The following OPRD1 variants were observed in gnomAD, a reference collection of about 807,000 sequenced individuals.
OPRD1 encodes the protein delta-type opioid receptor.
OPRD1 carries 19 observed loss-of-function variants against 17.5 expected under a neutral mutation model. The observed-to-expected ratio is 1.09, with a 90% confidence interval of 0.76 to 1.60. The LOEUF (loss-of-function observed/expected upper bound fraction) is 1.60. OPRD1 is among the 40% of genes most tolerant of loss of function. The probability of loss-of-function intolerance (pLI) is 0.00; values close to 1 mark genes in which losing one functional copy is unlikely to be tolerated. For missense variants in OPRD1, 483 were observed against 547.2 expected (o/e 0.88, Z 1.17); for synonymous variants, 256 against 240.9 (o/e 1.06, Z -0.58).
Position 28,863,258 on chromosome 1 carries a change from G to C in OPRD1, c.1094G>C (p.Gly365Ala), listed in dbSNP as rs781771653. 3 of 1,482,882 alleles carry C rather than the reference G, an allele frequency of 2.0e-6. No homozygotes were observed. The highest frequency in any genetic ancestry group is 2.7e-6 in the Non-Finnish European group (3 of 1,128,418). The allele number at this position is 1,482,882 out of a possible 1,614,324, so 91.9% of individuals were successfully genotyped here. Reference protein sequence around the residue: ...ERVTACTPSDGPGGGAAA With the variant: ...ERVTACTPSDAPGGGAAA ...GTCACCGCCTGCACCCCGTCCGATG[G>C]TCCCGGCGGTGGCGCTGCCGCCTGA... The change falls in exon 3 of 3, where the codon GGT (glycine) becomes GCT (alanine). Residue 365 changes from glycine to alanine, a missense_variant. By Grantham distance (60) the Gly-to-Ala change is moderately conservative (BLOSUM62 0). Transcript: ENST00000234961.
chr1:28,830,986 G>C (rs183627594), intron 1 of OPRD1, among the ~76,000 whole-genome samples: 33 of 152,376 alleles, frequency 2.2e-4, no homozygotes, highest in Admixed American at 1.4e-3. Context: ...CGGAGATGCT[G>C]CTTCTCCTGG....
chr1:28,843,867 A>T (rs1185910205), intron 1 of OPRD1, among the ~76,000 whole-genome samples: 1 of 152,158 alleles, frequency 6.6e-6, no homozygotes, highest in Admixed American at 6.6e-5. Flanking sequence ...ATTCCATTGT[A>T]TGTCTATACC....
intron 1 of OPRD1, among the ~76,000 whole-genome samples, chr1:28,845,706 A>G (rs1226790082): frequency 6.6e-6 from 1 of 152,194 alleles, no homozygotes; most frequent in Non-Finnish European, 1.5e-5. Flanking sequence ...TTATGGTTTT[A>G]GCTCTTACAT....
intron 1 of OPRD1, among the ~76,000 whole-genome samples, chr1:28,816,886 A>G (rs1303231268): frequency 6.6e-6 from 1 of 152,054 alleles, no homozygotes; most frequent in Non-Finnish European, 1.5e-5. Flanking sequence ...CACCTGTGGC[A>G]GGTGACCCCC....
At chr1:28,842,375 G>A (rs1216589302) in intron 1 of OPRD1, among the ~76,000 whole-genome samples, 1 of 152,194 alleles carries the variant, frequency 6.6e-6, no homozygotes, top group Non-Finnish European at 1.5e-5. Flanking sequence ...AACTGCTCTG[G>A]CTTTGCCTGG....
At chr1:28,828,962 C>T (rs960536350) in intron 1 of OPRD1, among the ~76,000 whole-genome samples, 5 of 148,296 alleles carry the variant, frequency 3.4e-5, no homozygotes, top group Non-Finnish European at 4.5e-5. Context: ...TGCACTCCAC[C>T]CTGGGTAACA....
intron 1 of OPRD1, among the ~76,000 whole-genome samples, chr1:28,825,915 A>G (rs1443238735): frequency 1.3e-5 from 2 of 152,186 alleles, no homozygotes; most frequent in East Asian, 1.9e-4. Context: ...GAAAAACTCT[A>G]CATCATTGGG....
At chr1:28,854,952 G>C (rs2089043127) in intron 1 of OPRD1, among the ~76,000 whole-genome samples, 1 of 152,180 alleles carries the variant, frequency 6.6e-6, no homozygotes, top group African/African-American at 2.4e-5. Context: ...GCCTGGCTGA[G>C]AGCCTGCTTT....
chr1:28,862,237 T>TA (rs1369353451), intron 2 of OPRD1, among the ~76,000 whole-genome samples: 1 of 152,112 alleles, frequency 6.6e-6, no homozygotes, highest in Non-Finnish European at 1.5e-5. Flanking sequence ...ATTTAATCCT[T>TA]ACGACAATCC....
intron 1 of OPRD1, among the ~76,000 whole-genome samples, chr1:28,841,178 G>A (rs554081258): frequency 5.3e-5 from 8 of 152,174 alleles, no homozygotes; most frequent in East Asian, 1.9e-4. Context: ...CCCCACATTC[G>A]TGCCTGTGAC....
At chr1:28,838,817 C>T (rs1342819193) in intron 1 of OPRD1, among the ~76,000 whole-genome samples, 2 of 152,168 alleles carry the variant, frequency 1.3e-5, no homozygotes, top group African/African-American at 4.8e-5. Context: ...CACCCAAGAT[C>T]AATGCAATTA....
At chr1:28,821,076 T>A (rs2088709518) in intron 1 of OPRD1, among the ~76,000 whole-genome samples, 1 of 152,110 alleles carries the variant, frequency 6.6e-6, no homozygotes, top group African/African-American at 2.4e-5. Context: ...CTGTCTCTCT[T>A]TCTGTTTCTC....
intron 2 of OPRD1, among the ~76,000 whole-genome samples, 188 bp from the exon 3 acceptor site, chr1:28,862,554 G>A (rs924674424): frequency 3.9e-5 from 6 of 152,176 alleles, no homozygotes; most frequent in African/African-American, 1.2e-4. Flanking sequence ...AGGTCTTTAC[G>A]GATAACTAAG....
Position 28,846,033 on chromosome 1 carries a change from A to C in OPRD1, c.228-12921A>C, listed in dbSNP as rs529661629. Among the ~76,000 whole-genome samples, 9 of 152,264 alleles carry C rather than the reference A, an allele frequency of 5.9e-5. No individual in the cohort carries two copies. The East Asian group carries it at 1.7e-3, about 29-fold the overall frequency. ...AACCCAAACTTCTTGCCATAGCCCA[A>C]AGGCCCTGTGTGATTTGACTCCTGC... On this transcript the variant is annotated intron_variant, in intron 1 of 2. Transcript: ENST00000234961.
intron 1 of OPRD1, among the ~76,000 whole-genome samples, chr1:28,838,382 A>G (rs531104083): frequency 2.0e-5 from 3 of 152,340 alleles, no homozygotes; most frequent in Admixed American, 6.5e-5. Flanking sequence ...TTGGTTTCCC[A>G]GAAGTCAGCA....
intron 1 of OPRD1, among the ~76,000 whole-genome samples, chr1:28,857,257 AGGTTGCT>A (rs2089064559): frequency 6.6e-6 from 1 of 152,090 alleles, no homozygotes; most frequent in Admixed American, 6.5e-5. Flanking sequence ...CCATCCTAAG[AGGTTGCT>A]ACAAACATTA....
chr1:28,846,862 C>CTTTCTTTCTTTCTTTCTTTCTTTCT (rs2088954116), intron 1 of OPRD1, among the ~76,000 whole-genome samples: 2 of 59,448 alleles, frequency 3.4e-5, no homozygotes, highest in African/African-American at 8.6e-5. Flanking sequence ...TTCTTTCTTT[C>CTTTCTTTCTTTCTTTCTTTCTTTCT]TTTCTTTCTT....
intron 1 of OPRD1, among the ~76,000 whole-genome samples, chr1:28,831,947 T>C (rs2088811414): frequency 6.6e-6 from 1 of 152,236 alleles, no homozygotes; most frequent in Admixed American, 6.5e-5. Context: ...TTTAGTACCA[T>C]GTTTCTCTCC....
intron 1 of OPRD1, among the ~76,000 whole-genome samples, chr1:28,851,864 GAA>G (rs71586865): frequency 6.4e-5 from 6 of 93,532 alleles, no homozygotes; most frequent in Admixed American, 1.2e-4. Context: ...TCAAAAAAAA[GAA>G]AAAAAAAAAA....
Sources: gnomAD v4.1 joint callset for allele counts (sites outside exome capture counted in the v4.1 genomes callset) on GRCh38, gnomAD v4.1.1 for gene constraint, MANE v1.5 for transcripts, NCBI Gene and HGNC (gene_info 2026-07-23, HGNC 2026-07-21) for gene names.